Variants in LAMC3 observed in about 807,000 individuals in gnomAD.
The protein encoded by LAMC3 is laminin subunit gamma-3.
LAMC3 carries 128 observed loss-of-function variants against 173.8 expected under a neutral mutation model. The observed-to-expected ratio is 0.74, with a 90% CI of 0.64 to 0.85. The LOEUF (loss-of-function observed/expected upper bound fraction) is 0.85, where lower values mean the gene tolerates loss of function less well. LAMC3 is among the 40% of genes least tolerant of loss of function. LAMC3 has a pLI of 0.00. For missense variants in LAMC3, 2,022 were observed against 2,156.0 expected (o/e 0.94, Z 1.23); for synonymous variants, 897 against 909.1 (o/e 0.99, Z 0.24).
intron 24 of LAMC3, among the ~76,000 whole-genome samples, chr9:131,085,144 A>T (rs1830307740): frequency 6.6e-6 from 1 of 152,124 alleles, no homozygotes; most frequent in Admixed American, 6.6e-5. Context: ...TGATTTACCC[A>T]TCACTATACA....
intron 25 of LAMC3, among the ~76,000 whole-genome samples, chr9:131,086,156 G>A (rs1210080546): frequency 6.6e-6 from 1 of 152,058 alleles, no homozygotes; most frequent in African/African-American, 2.4e-5. Flanking sequence ...TCAGCTCACT[G>A]CAATCTCCGC....
intron 13 of LAMC3, among the ~76,000 whole-genome samples, chr9:131,065,038 C>T (rs1564382875): frequency 1.1e-4 from 2 of 18,066 alleles, no homozygotes; most frequent in Non-Finnish European, 2.3e-4. Context: ...AAGACTCCAT[C>T]TAAAAAAAAA....
In LAMC3 at chr9:131,069,798, A is replaced by T; in HGVS notation, c.3017A>T (p.Asp1006Val). ...CACGACAACTTCTTCCTCACGGCAGACGGCACACACTGCCAGCAATGTCCG... is the reference window on the plus strand; with the variant it reads ...CACGACAACTTCTTCCTCACGGCAGTCGGCACACACTGCCAGCAATGTCCG... ...RCHDNFFLTA[D>V]GTHCQQCPSC... The change falls in exon 17 of 28, where the codon GAC becomes GTC. Residue 1006 changes from aspartate to valine, a missense_variant. Asp to Val is a radical substitution (Grantham distance 152). Transcript: ENST00000361069. The T allele has an allele frequency of 6.3e-7, 1 of 1,594,478 alleles. No homozygotes were observed. The highest frequency in any genetic ancestry group is 1.1e-5 in the South Asian group (1 of 87,992).
intron 8 of LAMC3, among the ~76,000 whole-genome samples, chr9:131,046,977 G>A (rs1027053053): frequency 2.0e-5 from 3 of 152,054 alleles, no homozygotes; most frequent in Non-Finnish European, 4.4e-5. Context: ...TCTGGGTCCT[G>A]GGTCCGGGGG....
intron 12 of LAMC3, among the ~76,000 whole-genome samples, chr9:131,059,785 C>T (rs546984797): frequency 1.6e-4 from 24 of 152,332 alleles, no homozygotes; most frequent in African/African-American, 4.6e-4. Context: ...ATCTGTGAAA[C>T]GGGCAGTATA....
chr9:131,037,007 G>A (rs1001999931), intron 4 of LAMC3, among the ~76,000 whole-genome samples: 2 of 152,236 alleles, frequency 1.3e-5, no homozygotes, highest in African/African-American at 2.4e-5. Flanking sequence ...CTCGCTGGGC[G>A]GGCAGCTTGG....
chr9:131,053,856 A>C (rs1199508007), intron 11 of LAMC3, among the ~76,000 whole-genome samples: 1 of 152,034 alleles, frequency 6.6e-6, no homozygotes, highest in Non-Finnish European at 1.5e-5. Flanking sequence ...CAACAATAAC[A>C]AAAAACAGTC....
At chr9:131,043,059 A>G (rs1306933352) in intron 7 of LAMC3, among the ~76,000 whole-genome samples, 2 of 152,078 alleles carry the variant, frequency 1.3e-5, no homozygotes, top group African/African-American at 4.8e-5. Context: ...CTTGGCCATG[A>G]GCCCTACTAT....
chr9:131,071,071 C>T (rs1362825849), intron 17 of LAMC3, among the ~76,000 whole-genome samples: 2 of 152,150 alleles, frequency 1.3e-5, no homozygotes, highest in African/African-American at 4.8e-5. Flanking sequence ...TCTGTAAATG[C>T]AGTTATTGTT....
rs374329361 is a variant in LAMC3 at position 131,045,608 on chromosome 9, C to T, written c.1467C>T (p.Cys489=). The change falls in exon 8 of 28, where the codon TGC becomes TGT. Residue 489 remains cysteine (C), a synonymous_variant. Coordinates refer to ENST00000361069, the MANE Select transcript of LAMC3 (RefSeq NM_006059.4). ...TCTGCTATGGCCACTCCAAGGTGTGCGCGTCCACTGCCCAGTTCCAGGTGC... is the reference window on the plus strand; with the variant it reads ...TCTGCTATGGCCACTCCAAGGTGTGTGCGTCCACTGCCCAGTTCCAGGTGC... ...SCFCYGHSKV[C]ASTAQFQVHH... The T allele has an allele frequency of 1.7e-5, 27 of 1,614,016 alleles. No individual in the cohort carries two copies. Among genetic ancestry groups the T allele is most frequent in the Middle Eastern group, 1.6e-4 (1 of 6,084 alleles).
Position 131,036,277 on chromosome 9 carries a change from C to T in LAMC3, c.921C>T (p.Phe307=). ...CAGACTGTGAGCGCTGCCTGCCCTT[C>T]TTCCAGGACCGCCCGTGGGCCCGGG... is the stretch of plus-strand genomic sequence containing the variant. ...TGTDCERCLP[F]FQDRPWARGT... Residue 307 remains phenylalanine, a synonymous_variant, in exon 4 of 28, where the codon TTC becomes TTT. Transcript: ENST00000361069. 1 of 1,613,360 alleles carries T rather than the reference C, an allele frequency of 6.2e-7. No individual in the cohort carries two copies. Among genetic ancestry groups the T allele is most frequent in the Non-Finnish European group, 8.5e-7 (1 of 1,179,920 alleles).
intron 8 of LAMC3, among the ~76,000 whole-genome samples, chr9:131,046,789 G>C (rs1414400): frequency 0.66 from 99,899 of 151,802 alleles, 33,251 homozygotes; most frequent in Non-Finnish European, 0.71. Context: ...GGGCCCCAGC[G>C]ATGTCCCACG....
rs369839636 is a variant in LAMC3 at position 131,075,902 on chromosome 9, C to T, written c.3566C>T (p.Ala1189Val). 3.0e-5 allele frequency: 49 copies of T among 1,612,398 alleles called. 1 individual carries two copies. The highest frequency in any genetic ancestry group is 8.0e-5 in the African/African-American group (6 of 75,026). ...CTGCTCGCCTCCAACACCAGCTACG[C>T]GCTTCTCTGGAATCTGCTGGAGGGA... Reference protein sequence around the residue: ...RALLASNTSYALLWNLLEGRV... With the variant: ...RALLASNTSYVLLWNLLEGRV... Residue 1189 changes from alanine to valine, a missense_variant, in exon 21 of 28, where the codon GCG becomes GTG. Coordinates refer to ENST00000361069, the MANE Select transcript of LAMC3 (RefSeq NM_006059.4).
At chr9:131,088,012 C>T (rs1325118630) in intron 27 of LAMC3, among the ~76,000 whole-genome samples, 195 bp downstream of exon 27, 1 of 152,186 alleles carries the variant, frequency 6.6e-6, no homozygotes, top group Non-Finnish European at 1.5e-5. Context: ...ACAGGGTTGG[C>T]ATCTAGAAGT....
chr9:131,052,460 G>A (rs764368231), intron 9 of LAMC3, 31 bp from the exon 10 acceptor site: 4 of 1,570,520 alleles, frequency 2.5e-6, no homozygotes, highest in East Asian at 2.2e-5. Flanking sequence ...ACCATATGAA[G>A]ACTGTCAAAG....
chr9:131,046,583 A>G (rs1423595708), intron 8 of LAMC3, among the ~76,000 whole-genome samples: 2 of 118,922 alleles, frequency 1.7e-5, no homozygotes, highest in Non-Finnish European at 3.2e-5. Context: ...AGGCTGGTCT[A>G]GAACTCCTGA....
intron 1 of LAMC3, among the ~76,000 whole-genome samples, chr9:131,015,715 G>A (rs750278577): frequency 7.2e-5 from 11 of 152,268 alleles, no homozygotes; most frequent in Non-Finnish European, 1.3e-4. Context: ...GAGTGCAATG[G>A]TGCGATCTCA....
intron 8 of LAMC3, among the ~76,000 whole-genome samples, chr9:131,045,946 G>T (rs11244257): frequency 6.6e-6 from 1 of 152,034 alleles, no homozygotes; most frequent in South Asian, 2.1e-4. Context: ...CACTCACCCC[G>T]TTGAGACTGG....
At chr9:131,084,938 C>CAAA (rs35487130) in intron 24 of LAMC3, among the ~76,000 whole-genome samples, 1 of 123,716 alleles carries the variant, frequency 8.1e-6, no homozygotes, top group Admixed American at 8.3e-5. Flanking sequence ...GACCTTGTCT[C>CAAA]AAAAAAAAAA....
Sources: allele counts gnomAD v4.1 joint callset (sites outside exome capture counted in the v4.1 genomes callset), GRCh38; gene constraint gnomAD v4.1.1; transcripts MANE v1.5; gene names NCBI Gene and HGNC (gene_info 2026-07-23, HGNC 2026-07-21).